Variants in FILIP1L observed in about 807,000 individuals in gnomAD.
FILIP1L encodes the protein filamin A-interacting protein 1-like.
Under a neutral mutation model 96.6 loss-of-function variants are expected in FILIP1L, and 55 were observed. The ratio of observed to expected loss-of-function variants is 0.57; its 90% CI spans 0.46 to 0.71. The LOEUF (loss-of-function observed/expected upper bound fraction) is 0.71, where lower values mean the gene tolerates loss of function less well. Among genes scored for constraint, FILIP1L ranks in the 30% least tolerant of loss-of-function variants. The probability of loss-of-function intolerance (pLI) is 0.00; values close to 1 mark genes in which losing one functional copy is unlikely to be tolerated. For synonymous variants in FILIP1L, 467 were observed against 473.9 expected (o/e 0.99, Z 0.19); for missense variants, 1,304 against 1,321.2 (o/e 0.99, Z 0.20).
chr3:100,110,625 T>C (rs878986441), intron 1 of FILIP1L, among the ~76,000 whole-genome samples: 1 of 152,184 alleles, frequency 6.6e-6, no homozygotes, highest in Non-Finnish European at 1.5e-5. Flanking sequence ...TAGCTAATAA[T>C]AGACAATACT....
At chr3:99,980,860 G>A (rs916849758) in intron 1 of FILIP1L, among the ~76,000 whole-genome samples, 3 of 152,164 alleles carry the variant, frequency 2.0e-5, no homozygotes, top group Admixed American at 6.5e-5. Context: ...AGCCTTCTAG[G>A]CCAGTGCTGC....
intron 4 of FILIP1L, among the ~76,000 whole-genome samples, chr3:99,913,196 C>G (rs1706846201): frequency 6.6e-6 from 1 of 152,180 alleles, no homozygotes; most frequent in Non-Finnish European, 1.5e-5. Flanking sequence ...CTGTTGTTTA[C>G]AAGCCACCCA....
intron 1 of FILIP1L, among the ~76,000 whole-genome samples, chr3:99,976,557 AC>A (rs1482689118): frequency 6.6e-6 from 1 of 152,164 alleles, no homozygotes; most frequent in Non-Finnish European, 1.5e-5. Flanking sequence ...CATTGAAGAT[AC>A]CACTTTATTT....
rs113995104 is a variant in FILIP1L, at chr3:99,878,688, A to G, written c.606-27618T>C. ...GTTTTCTGGAAGGTGGCAGCAACGT[A>G]TCTTGTTCTAGTAAAATTAGAATAT... is the stretch of plus-strand genomic sequence containing the variant. On this transcript the variant is annotated intron_variant, in intron 4 of 5. Coordinates refer to ENST00000477258, the MANE Select transcript of FILIP1L (RefSeq NM_001387850.1). Among the ~76,000 whole-genome samples, 1,027 of 152,324 alleles carry G rather than the reference A, an allele frequency of 6.7e-3. 3 individuals carry two copies. The highest frequency in any genetic ancestry group is 8.5e-3 in the African/African-American group (355 of 41,568).
At position 100,016,226 on chromosome 3, in the gene FILIP1L, CTTG is replaced by C. The variant is rs766143115; in HGVS notation, c.-10-85199_-10-85197del. Among the ~76,000 whole-genome samples, 7 of 152,126 alleles carry C rather than the reference CTTG, an allele frequency of 4.6e-5. No individual in the cohort carries two copies. In the East Asian group the frequency reaches 7.7e-4, roughly 17 times the overall value. On this transcript the variant is annotated intron_variant, in intron 1 of 5. Transcript: ENST00000477258. Reference sequence around the variant, plus strand: ...TTTGTTTTTGAGACGCAGTTTCACTCTTGTTGCCCAGGCTGGAGTGCAATGGTG... The same window carrying C: ...TTTGTTTTTGAGACGCAGTTTCACTCTTGCCCAGGCTGGAGTGCAATGGTG...
intron 1 of FILIP1L, among the ~76,000 whole-genome samples, chr3:99,999,759 T>C (rs537520671): frequency 1.3e-5 from 2 of 152,218 alleles, no homozygotes; most frequent in Non-Finnish European, 2.9e-5. Context: ...GGTCTCTTGC[T>C]CAATGGCAAG....
chr3:100,086,275 T>C (rs2066006903), intron 1 of FILIP1L, among the ~76,000 whole-genome samples: 1 of 152,212 alleles, frequency 6.6e-6, no homozygotes, highest in Non-Finnish European at 1.5e-5. Flanking sequence ...AGTCATTCAG[T>C]ACCACAGAAG....
intron 1 of FILIP1L, among the ~76,000 whole-genome samples, chr3:99,935,045 C>T (rs1397140261): frequency 6.6e-6 from 1 of 152,144 alleles, no homozygotes; most frequent in Admixed American, 6.5e-5. Flanking sequence ...CCTTGCCCCT[C>T]TGCCAATAAC....
At chr3:99,841,024 A>G (rs1290939089) in intron 5 of FILIP1L, among the ~76,000 whole-genome samples, 1 of 152,244 alleles carries the variant, frequency 6.6e-6, no homozygotes, top group Non-Finnish European at 1.5e-5. Flanking sequence ...AAGGGCAGTG[A>G]ATCTTTCATC....
At chr3:100,103,654 G>A (rs142409949) in intron 1 of FILIP1L, among the ~76,000 whole-genome samples, 3 of 152,284 alleles carry the variant, frequency 2.0e-5, no homozygotes, top group African/African-American at 7.2e-5. Context: ...TTGGTTGCCA[G>A]CATTGCACTG....
intron 3 of FILIP1L, among the ~76,000 whole-genome samples, chr3:99,927,191 C>T (rs1707319444): frequency 6.6e-6 from 1 of 152,148 alleles, no homozygotes; most frequent in African/African-American, 2.4e-5. Context: ...AAAACTTTCC[C>T]TATACATGAG....
intron 1 of FILIP1L, among the ~76,000 whole-genome samples, chr3:100,111,608 G>T (rs1228380908): frequency 1.3e-5 from 2 of 151,852 alleles, no homozygotes; most frequent in Non-Finnish European, 2.9e-5. Flanking sequence ...TTCAGTGTAG[G>T]CTCCAGTGAT....
intron 4 of FILIP1L, among the ~76,000 whole-genome samples, chr3:99,904,774 T>G (rs1386326357): frequency 6.6e-6 from 1 of 152,166 alleles, no homozygotes; most frequent in Non-Finnish European, 1.5e-5. Context: ...CCATCCTCTT[T>G]TGCTCTAGAA....
intron 5 of FILIP1L, among the ~76,000 whole-genome samples, chr3:99,830,839 G>A (rs1942647627): frequency 6.6e-6 from 1 of 152,214 alleles, no homozygotes; most frequent in Admixed American, 6.5e-5. Flanking sequence ...TAGATACAGA[G>A]ATGAATAGAT....
At chr3:99,955,891 T>C (rs1198185246) in intron 1 of FILIP1L, among the ~76,000 whole-genome samples, 1 of 152,152 alleles carries the variant, frequency 6.6e-6, no homozygotes, top group African/African-American at 2.4e-5. Flanking sequence ...TAAACGCATC[T>C]TCTCTGTTCT....
At chr3:99,942,094 G>C (rs1417263082) in intron 1 of FILIP1L, among the ~76,000 whole-genome samples, 1 of 152,034 alleles carries the variant, frequency 6.6e-6, no homozygotes, top group African/African-American at 2.4e-5. Context: ...GTGGGCGCCT[G>C]TAGTCCTGAG....
intron 1 of FILIP1L, among the ~76,000 whole-genome samples, chr3:100,088,989 A>C (rs2066059484): frequency 6.6e-6 from 1 of 152,206 alleles, no homozygotes; most frequent in Admixed American, 6.5e-5. Context: ...ATCATGGTTT[A>C]CACTCTCCAG....
intron 4 of FILIP1L, among the ~76,000 whole-genome samples, chr3:99,878,247 C>A (rs1366237005): frequency 6.6e-6 from 1 of 152,128 alleles, no homozygotes. Context: ...TAATAGCCCT[C>A]ATTTGTTGAG....
Position 99,930,036 on chromosome 3 carries a change from G to A in FILIP1L, c.253-7C>T. On this transcript the variant is annotated splice_polypyrimidine_tract_variant and splice_region_variant and intron_variant, in intron 2 of 5. Transcript: ENST00000477258. ...CTATGACCTCATCTCGAGCCTGTAG[G>A]AACAAAAAGTATTTCAGAAAGCCTG... 3.8e-6 allele frequency: 6 copies of A among 1,586,906 alleles called. No homozygotes were observed. Among genetic ancestry groups the A allele is most frequent in the Non-Finnish European group, 5.1e-6 (6 of 1,168,810 alleles).
Sources: allele counts gnomAD v4.1 joint callset (sites outside exome capture counted in the v4.1 genomes callset), GRCh38; gene constraint gnomAD v4.1.1; transcripts MANE v1.5; gene names NCBI Gene and HGNC (gene_info 2026-07-23, HGNC 2026-07-21).